FAM13A: variants seen among roughly 807,000 people sequenced by gnomAD.
The protein encoded by FAM13A is protein FAM13A.
FAM13A carries 76 observed loss-of-function variants against 129.6 expected under a neutral mutation model. That is an observed-to-expected ratio of 0.59 (90% CI 0.49 to 0.71). FAM13A has a LOEUF of 0.71. FAM13A is among the 30% of genes least tolerant of loss of function. The pLI, the probability that FAM13A is intolerant of heterozygous loss-of-function variation, is 0.00. For missense variants in FAM13A, 1,108 were observed against 1,249.3 expected (o/e 0.89, Z 1.70); for synonymous variants, 443 against 449.9 (o/e 0.98, Z 0.20).
At chr4:89,030,328 G>A (rs1392975573) in intron 1 of FAM13A, among the ~76,000 whole-genome samples, 1 of 151,928 alleles carries the variant, frequency 6.6e-6, no homozygotes, top group East Asian at 1.9e-4. Context: ...ATTACCTCAA[G>A]TTAATAACAT....
intron 4 of FAM13A, among the ~76,000 whole-genome samples, chr4:88,946,797 C>A (rs1054596992): frequency 2.0e-5 from 3 of 151,930 alleles, no homozygotes; most frequent in Non-Finnish European, 4.4e-5. Flanking sequence ...AGTAATAGTA[C>A]CAGTCTCCCT....
At chr4:88,808,235 T>C (rs1023747862) in intron 7 of FAM13A, among the ~76,000 whole-genome samples, 5 of 152,160 alleles carry the variant, frequency 3.3e-5, no homozygotes, top group African/African-American at 1.2e-4. Context: ...CAACTAATTT[T>C]AGAAATAAAT....
intron 7 of FAM13A, among the ~76,000 whole-genome samples, chr4:88,846,705 C>A (rs545224563): frequency 6.6e-6 from 1 of 152,202 alleles, no homozygotes; most frequent in Non-Finnish European, 1.5e-5. Context: ...ATCATAAAAC[C>A]CACCTATTTC....
intron 13 of FAM13A, among the ~76,000 whole-genome samples, chr4:88,759,940 G>A (rs1254888249): frequency 1.3e-5 from 2 of 152,166 alleles, no homozygotes; most frequent in Non-Finnish European, 2.9e-5. Flanking sequence ...AAACAAAAGT[G>A]TTTATGAAAC....
chr4:89,037,125 C>A (rs1769490316), intron 1 of FAM13A, among the ~76,000 whole-genome samples: 1 of 152,152 alleles, frequency 6.6e-6, no homozygotes, highest in Non-Finnish European at 1.5e-5. Flanking sequence ...TTCCAAGACC[C>A]AGAATGGTAG....
chr4:88,911,534 A>T (rs1334299624), intron 5 of FAM13A, among the ~76,000 whole-genome samples: 2 of 152,226 alleles, frequency 1.3e-5, no homozygotes, highest in Non-Finnish European at 2.9e-5. Context: ...ATCGGAGCAG[A>T]AGCTAGTCAT....
At chr4:88,767,802 G>A (rs570703805) in intron 12 of FAM13A, among the ~76,000 whole-genome samples, 181 bp downstream of exon 12, 2 of 152,084 alleles carry the variant, frequency 1.3e-5, no homozygotes. Flanking sequence ...ATAGTTATTT[G>A]CCTTCAATAG....
At chr4:88,933,089 A>T (rs1753307238) in intron 5 of FAM13A, among the ~76,000 whole-genome samples, 1 of 152,192 alleles carries the variant, frequency 6.6e-6, no homozygotes, top group African/African-American at 2.4e-5. Flanking sequence ...TATATGAATG[A>T]CATATATATG....
intron 13 of FAM13A, among the ~76,000 whole-genome samples, chr4:88,766,140 A>G (rs1745671490): frequency 6.6e-6 from 1 of 152,270 alleles, no homozygotes; most frequent in African/African-American, 2.4e-5. Context: ...AAAAGGAAAG[A>G]ACTGAGGAGA....
At chr4:89,050,026 T>A (rs17820320) in intron 1 of FAM13A, among the ~76,000 whole-genome samples, 20,716 of 152,202 alleles carry the variant, frequency 0.14, 1,650 homozygotes, top group Non-Finnish European at 0.18. Flanking sequence ...TATAGTCTGC[T>A]ACTGAGAAAG....
chr4:88,866,981 A>G (rs997086207), intron 6 of FAM13A, among the ~76,000 whole-genome samples: 2 of 152,214 alleles, frequency 1.3e-5, no homozygotes, highest in African/African-American at 2.4e-5. Flanking sequence ...ATAATATCAT[A>G]AAGCAGTTAG....
In FAM13A at chr4:88,848,151, G is replaced by A. The variant is rs554891695; in HGVS notation, c.1007+2869C>T. Among the ~76,000 whole-genome samples, 92 of 152,238 alleles carry A rather than the reference G, an allele frequency of 6.0e-4. No homozygotes were observed. The South Asian group carries it at 8.7e-3, about 14-fold the overall frequency. On this transcript the variant is annotated intron_variant, in intron 7 of 23. Transcript: ENST00000264344. ...CTGTGCCCCTTACTCTTTTCCAACT[G>A]TTCCTCATTGGCCAAGGCTAATTCT... is the stretch of plus-strand genomic sequence containing the variant.
At chr4:88,749,551 G>A (rs1009097593) in intron 16 of FAM13A, among the ~76,000 whole-genome samples, 1 of 152,042 alleles carries the variant, frequency 6.6e-6, no homozygotes, top group Non-Finnish European at 1.5e-5. Context: ...GTAGACTTAA[G>A]CTTTCATTTT....
intron 16 of FAM13A, among the ~76,000 whole-genome samples, chr4:88,749,351 G>T (rs1157248543): frequency 6.6e-6 from 1 of 152,038 alleles, no homozygotes; most frequent in Non-Finnish European, 1.5e-5. Flanking sequence ...AAAACAGAGG[G>T]GTATATGATG....
intron 6 of FAM13A, among the ~76,000 whole-genome samples, chr4:88,874,734 C>T (rs1488596718): frequency 6.6e-6 from 1 of 152,150 alleles, no homozygotes; most frequent in Non-Finnish European, 1.5e-5. Context: ...TTTATAGATT[C>T]AATGCCATCC....
At chr4:88,802,785 A>G (rs918016851) in intron 8 of FAM13A, among the ~76,000 whole-genome samples, 7 of 152,084 alleles carry the variant, frequency 4.6e-5, no homozygotes, top group Admixed American at 2.6e-4. Context: ...TCTATCCCAG[A>G]CACAGACTCT....
chr4:88,869,565 T>C (rs1175218134), intron 6 of FAM13A, among the ~76,000 whole-genome samples: 3 of 152,252 alleles, frequency 2.0e-5, no homozygotes, highest in African/African-American at 7.2e-5. Context: ...CCCTGATGTA[T>C]CAGCTTAAAT....
At chr4:88,942,925 T>G (rs890310849) in intron 4 of FAM13A, among the ~76,000 whole-genome samples, 2 of 152,200 alleles carry the variant, frequency 1.3e-5, no homozygotes, top group African/African-American at 4.8e-5. Flanking sequence ...TGGTGAGAAC[T>G]TCTAGGTAAC....
chr4:88,753,429 CACGAAAT>C (rs1297790894), intron 14 of FAM13A, among the ~76,000 whole-genome samples: 1 of 152,212 alleles, frequency 6.6e-6, no homozygotes, highest in Non-Finnish European at 1.5e-5. Flanking sequence ...CCATGGTATA[CACGAAAT>C]ACACAGCTGC....
Sources: gnomAD v4.1 joint callset for allele counts (sites outside exome capture counted in the v4.1 genomes callset) on GRCh38, gnomAD v4.1.1 for gene constraint, MANE v1.5 for transcripts, NCBI Gene and HGNC (gene_info 2026-07-23, HGNC 2026-07-21) for gene names.